RHBDF2: variants seen among roughly 807,000 people sequenced by gnomAD.
RHBDF2 encodes the protein rhomboid 5 homolog 2.
RHBDF2 carries 38 observed loss-of-function variants against 95.2 expected under a neutral mutation model. The observed-to-expected ratio is 0.40, with a 90% CI of 0.31 to 0.52. The LOEUF (loss-of-function observed/expected upper bound fraction) is 0.52, where lower values mean the gene tolerates loss of function less well. Ranked by LOEUF, RHBDF2 falls within the 20% of genes least tolerant of loss-of-function variation. RHBDF2 has a pLI of 0.56. For synonymous variants in RHBDF2, 442 were observed against 462.0 expected (o/e 0.96, Z 0.55); for missense variants, 863 against 1,137.7 (o/e 0.76, Z 3.47).
At position 76,479,324 on chromosome 17, in the gene RHBDF2, T is replaced by C. The variant is rs2073874496; in HGVS notation, c.273-47A>G. ...AGGTGGGCATACGCTTGTCTACGCC[T>C]GTGCACCTGAGTGTGTGGAAGGGGT... is the stretch of plus-strand genomic sequence containing the variant. On this transcript the variant is annotated intron_variant, in intron 4 of 18. Transcript: ENST00000675367. 3 of 1,551,334 alleles carry C rather than the reference T, an allele frequency of 1.9e-6. No homozygotes were observed. The East Asian group carries it at 7.2e-5, about 37-fold the overall frequency.
Position 76,477,213 on chromosome 17 carries a change from G to A in RHBDF2, c.887C>T (p.Ser296Phe). The change falls in exon 8 of 19, where the codon TCC becomes TTC. Residue 296 changes from serine to phenylalanine, a missense_variant. Physicochemically the swap from Ser to Phe is radical, Grantham distance 155. Transcript: ENST00000675367. ...TTGCACCCCATCGGGGGAGACAGGG[G>A]AGGCTGAGTGTGGGATCCCTCGGAA... ...SYFRGIPHSA[S>F]PVSPDGVQIP... is the part of the protein sequence containing the mutation. 6.2e-7 allele frequency: 1 copy of A among 1,610,704 alleles called. No individual in the cohort carries two copies. The highest frequency in any genetic ancestry group is 8.5e-7 in the Non-Finnish European group (1 of 1,178,998).
At chr17:76,479,314 T>C (rs2073874201) in intron 4 of RHBDF2, 37 bp from the exon 5 acceptor site, 1 of 1,557,304 alleles carries the variant, frequency 6.4e-7, no homozygotes, top group Non-Finnish European at 8.6e-7. Flanking sequence ...GGCATACGCT[T>C]GTCTACGCCT....
chr17:76,480,005 T>G, intron 3 of RHBDF2, 151 bp from the exon 4 acceptor site: 1 of 665,472 alleles, frequency 1.5e-6, no homozygotes, highest in Non-Finnish European at 2.2e-6. Context: ...TATATATATA[T>G]AATGTGTGTG....
At chr17:76,476,491 C>A (rs1168843525) in intron 9 of RHBDF2, 1 of 275,602 alleles carries the variant, frequency 3.6e-6, no homozygotes, top group Non-Finnish European at 6.9e-6. Context: ...CTCTGACCGA[C>A]CCTGCCCTCC....
In RHBDF2 at chr17:76,472,815, C is replaced by T; in HGVS notation, c.1935G>A (p.Val645=). Residue 645 remains valine, a synonymous_variant, in exon 18 of 19, where the codon GTG becomes GTA. Coordinates refer to ENST00000675367, the MANE Select transcript of RHBDF2 (RefSeq NM_001005498.4). The part of the protein sequence containing the change: ...HAGVVHCLVS[V]VFQMTILRDL... ...CCCTCAGGATGGTCATTTGAAAGACCACAGACACGAGGCAGTGCACCACGC... is the reference window on the plus strand; with the variant it reads ...CCCTCAGGATGGTCATTTGAAAGACTACAGACACGAGGCAGTGCACCACGC... 5.0e-6 allele frequency: 8 copies of T among 1,599,836 alleles called. No individual in the cohort carries two copies. The highest frequency in any genetic ancestry group is 4.5e-5 in the East Asian group (2 of 44,130).
At chr17:76,488,492 T>C (rs1322348336) in intron 1 of RHBDF2, among the ~76,000 whole-genome samples, 3 of 125,750 alleles carry the variant, frequency 2.4e-5, no homozygotes, top group Admixed American at 7.7e-5. Flanking sequence ...AGAGGGAGAC[T>C]CTGCCTCAAA....
At position 76,479,114 on chromosome 17, in the gene RHBDF2, T is replaced by C. The variant is rs1398565495; in HGVS notation, c.436A>G (p.Thr146Ala). 6.2e-7 allele frequency: 1 copy of C among 1,613,686 alleles called. No homozygotes were observed. Among genetic ancestry groups the C allele is most frequent in the South Asian group, 1.1e-5 (1 of 91,084 alleles). Residue 146 changes from threonine (T) to alanine (A), a missense_variant, in exon 5 of 19, where the codon ACT (threonine) becomes GCT (alanine). This residue lies in a region of RHBDF2 where 611 missense variants were observed against 725.5 expected (regional missense o/e 0.84). Coordinates refer to ENST00000675367, the MANE Select transcript of RHBDF2 (RefSeq NM_001005498.4). Reference sequence around the variant, plus strand: ...ATCTTGCAGGGCTTTGGGGACTCAGTGCCCTGGAAGGACGGTGCCTCCTGG... The same window carrying C: ...ATCTTGCAGGGCTTTGGGGACTCAGCGCCCTGGAAGGACGGTGCCTCCTGG... ...PSQEAPSFQG[T>A]ESPKPCKMPK...
intron 1 of RHBDF2, among the ~76,000 whole-genome samples, chr17:76,495,552 G>A (rs538528282): frequency 6.6e-6 from 1 of 152,284 alleles, no homozygotes; most frequent in Admixed American, 6.5e-5. Context: ...ATGAACGAGG[G>A]CTCACCCCAG....
chr17:76,475,177 T>C, intron 9 of RHBDF2, 36 bp from the exon 10 acceptor site: 1 of 1,486,044 alleles, frequency 6.7e-7, no homozygotes, highest in Non-Finnish European at 9.2e-7. Context: ...TGAGCCGAGC[T>C]CCTATCCCAA....
intron 11 of RHBDF2, 27 bp downstream of exon 11, chr17:76,474,703 A>G: frequency 6.2e-7 from 1 of 1,614,100 alleles, no homozygotes; most frequent in Non-Finnish European, 8.5e-7. Flanking sequence ...CCTGGCTCAG[A>G]TGATGTCCCC....
intron 6 of RHBDF2, 68 bp from the exon 7 acceptor site, chr17:76,477,853 C>T (rs575318653): frequency 6.7e-5 from 105 of 1,578,438 alleles, no homozygotes; most frequent in Non-Finnish European, 8.1e-5. Context: ...GCCCCAACAC[C>T]GAAGGAATCA....
intron 18 of RHBDF2, 159 bp downstream of exon 18, chr17:76,472,525 TAA>T: frequency 1.1e-6 from 1 of 879,744 alleles, no homozygotes; most frequent in South Asian, 1.4e-5. Context: ...TCACTGGGAT[TAA>T]GAGACCAGCC....
intron 9 of RHBDF2, chr17:76,476,031 C>G (rs1027545745): frequency 1.3e-5 from 2 of 152,050 alleles, no homozygotes; most frequent in African/African-American, 4.8e-5. Flanking sequence ...TCAAGCCTCC[C>G]GAGTAGCTGG....
intron 1 of RHBDF2, among the ~76,000 whole-genome samples, chr17:76,492,722 G>T (rs1320493732): frequency 6.6e-6 from 1 of 152,216 alleles, no homozygotes; most frequent in East Asian, 1.9e-4. Context: ...GAAGGGTGCA[G>T]TCCCCACAAG....
rs2073815743 is a variant in RHBDF2, at chr17:76,477,637, G to A, written c.801+20C>T. On this transcript the variant is annotated intron_variant, in intron 7 of 18. Coordinates refer to ENST00000675367, the MANE Select transcript of RHBDF2 (RefSeq NM_001005498.4). ...CAGGCCACCCCACCCAACTCCTGCT[G>A]TCCCACACCCCATGCTTGCCTTACT... The A allele has an allele frequency of 1.1e-5, 18 of 1,613,102 alleles. No individual in the cohort carries two copies. The highest frequency in any genetic ancestry group is 1.5e-5 in the Non-Finnish European group (18 of 1,179,448).
intron 1 of RHBDF2, among the ~76,000 whole-genome samples, chr17:76,488,822 C>T (rs1483586996): frequency 1.1e-4 from 16 of 152,212 alleles, no homozygotes; most frequent in Admixed American, 1.0e-3. Context: ...GTGGCGGGCG[C>T]CTGTAATCCC....
chr17:76,472,063 G>T lies in RHBDF2; in HGVS notation c.2065-11C>A. 6.5e-7 allele frequency: 1 copy of T among 1,546,560 alleles called. No individual in the cohort carries two copies. The stretch of plus-strand genomic sequence containing the variant: ...GCCGGCCGGGCCCACCTGGGGCGGG[G>T]CAGGGGAGACGTGGCTTCAGGCATC... On this transcript the variant is annotated splice_polypyrimidine_tract_variant and intron_variant, in intron 18 of 18. Transcript: ENST00000675367.
In RHBDF2 at chr17:76,471,430, C is replaced by T; in HGVS notation, c.*203G>A. On this transcript the variant is annotated 3_prime_UTR_variant, in exon 19 of 19. Coordinates refer to ENST00000675367, the MANE Select transcript of RHBDF2 (RefSeq NM_001005498.4). ...TGAGCTTGGGTCAGGATCTCACAGGCCTCACGCCCCAGAAAAACCCCGCCT... is the reference window on the plus strand; with the variant it reads ...TGAGCTTGGGTCAGGATCTCACAGGTCTCACGCCCCAGAAAAACCCCGCCT... 1.7e-6 allele frequency: 1 copy of T among 597,264 alleles called. No individual in the cohort carries two copies. Among genetic ancestry groups the T allele is most frequent in the Non-Finnish European group, 2.9e-6 (1 of 343,402 alleles). The allele number at this position is 597,264 out of a possible 1,614,324, so 37.0% of individuals were successfully genotyped here. A position where few individuals can be genotyped will look rare whatever the true frequency, so the allele number is the denominator to read the frequency against.
chr17:76,481,583 G>A, intron 2 of RHBDF2, 38 bp from the exon 3 acceptor site: 16 of 1,555,246 alleles, frequency 1.0e-5, no homozygotes, highest in East Asian at 2.3e-5. Flanking sequence ...TGGGCGGTGC[G>A]GGGTGGCGCA....
Sources: gnomAD v4.1 joint callset for allele counts (sites outside exome capture counted in the v4.1 genomes callset) on GRCh38, gnomAD v4.1.1 for gene constraint, gnomAD v4.1.1 regional missense constraint, MANE v1.5 for transcripts, NCBI Gene and HGNC (gene_info 2026-07-23, HGNC 2026-07-21) for gene names.